Variants in OSBPL10 observed in about 807,000 individuals in gnomAD.
OSBPL10 encodes the protein oxysterol-binding protein-related protein 10.
Under a neutral mutation model 81.7 loss-of-function variants are expected in OSBPL10, and 49 were observed. That is an observed-to-expected ratio of 0.60 (90% CI 0.48 to 0.76). The LOEUF is 0.76. Ranked by LOEUF, OSBPL10 falls within the 30% of genes least tolerant of loss-of-function variation. The pLI is 0.00. For synonymous variants in OSBPL10, 419 were observed against 383.6 expected (o/e 1.09, Z -1.08); for missense variants, 923 against 987.8 (o/e 0.93, Z 0.88).
At chr3:31,668,578 C>G in intron 10 of OSBPL10, 64 bp downstream of exon 10, 1 of 1,422,030 alleles carries the variant, frequency 7.0e-7, no homozygotes, top group East Asian at 2.3e-5. Context: ...TCTTTCTTCT[C>G]TGTCCCTTGA....
chr3:31,670,734 G>A, intron 9 of OSBPL10, 63 bp downstream of exon 9: 1 of 1,487,608 alleles, frequency 6.7e-7, no homozygotes, highest in Non-Finnish European at 9.2e-7. Context: ...GTCTTCTAAT[G>A]GTGAAAGGAA....
At chr3:31,765,910 T>C (rs1322049748) in intron 4 of OSBPL10, among the ~76,000 whole-genome samples, 1 of 152,146 alleles carries the variant, frequency 6.6e-6, no homozygotes, top group Non-Finnish European at 1.5e-5. Context: ...AGGGGATTTG[T>C]TGCATGGATA....
intron 4 of OSBPL10, among the ~76,000 whole-genome samples, chr3:31,756,943 T>C (rs1043789384): frequency 6.6e-6 from 1 of 152,214 alleles, no homozygotes; most frequent in African/African-American, 2.4e-5. Context: ...CTAACAGGCT[T>C]CTGAATGTAT....
At chr3:31,905,546 C>T (rs578156181) in intron 1 of OSBPL10, among the ~76,000 whole-genome samples, 12 of 151,688 alleles carry the variant, frequency 7.9e-5, no homozygotes, top group East Asian at 3.9e-4. Flanking sequence ...GACATGGTTT[C>T]GCCATGTTGG....
At chr3:31,948,542 C>T (rs541269600) in intron 1 of OSBPL10, among the ~76,000 whole-genome samples, 13 of 152,290 alleles carry the variant, frequency 8.5e-5, no homozygotes, top group African/African-American at 2.4e-4. Context: ...GAGCAATAAA[C>T]GGGCAGTCAT....
At chr3:31,794,257 G>A (rs1490025864) in intron 4 of OSBPL10, among the ~76,000 whole-genome samples, 3 of 152,212 alleles carry the variant, frequency 2.0e-5, no homozygotes, top group Non-Finnish European at 4.4e-5. Flanking sequence ...CAATTCTCCT[G>A]CCTCAGCTTC....
chr3:31,861,447 G>A (rs1405779486), intron 3 of OSBPL10, among the ~76,000 whole-genome samples: 1 of 152,106 alleles, frequency 6.6e-6, no homozygotes, highest in East Asian at 1.9e-4. Context: ...ATTAAAAGTC[G>A]ATCCATGTTC....
chr3:31,703,457 G>T (rs1051361363), intron 6 of OSBPL10, among the ~76,000 whole-genome samples: 1 of 152,162 alleles, frequency 6.6e-6, no homozygotes, highest in Non-Finnish European at 1.5e-5. Context: ...GCTCAAAGAT[G>T]TTAAACATGA....
intron 1 of OSBPL10, among the ~76,000 whole-genome samples, chr3:31,883,968 G>A (rs542137878): frequency 7.9e-5 from 12 of 152,244 alleles, no homozygotes; most frequent in Admixed American, 5.2e-4. Flanking sequence ...TCTCCTTACC[G>A]CTCCTACCAA....
intron 7 of OSBPL10, among the ~76,000 whole-genome samples, chr3:31,698,005 AC>A (rs1695780651): frequency 6.6e-6 from 1 of 151,382 alleles, no homozygotes; most frequent in Non-Finnish European, 1.5e-5. Flanking sequence ...CTTGTAATCC[AC>A]CCACCTCGGC....
intron 8 of OSBPL10, among the ~76,000 whole-genome samples, chr3:31,678,781 A>AGTGTGTGTGTGTGT (rs1559411581): frequency 4.9e-4 from 49 of 99,256 alleles, no homozygotes; most frequent in African/African-American, 2.1e-3. Context: ...ACAGATTCAA[A>AGTGTGTGTGTGTGT]CTGTGTGTGT....
chr3:32,023,536 G>A lies in OSBPL10; in HGVS notation n.298+22955C>T, dbSNP rs189158858. Reference sequence around the variant, plus strand: ...ATAGGTGCCCAGAATGTCCCTTGAAGGAACTCAAGACTTTTCTTTATTTCC... The same window carrying A: ...ATAGGTGCCCAGAATGTCCCTTGAAAGAACTCAAGACTTTTCTTTATTTCC... On this transcript the variant is annotated intron_variant and non_coding_transcript_variant, in intron 2 of 3. Coordinates refer to the OSBPL10 transcript ENST00000479173. Among the ~76,000 whole-genome samples the A allele has an allele frequency of 1.6e-3, 245 of 152,272 alleles. 1 individual carries two copies. The highest frequency in any genetic ancestry group is 5.4e-3 in the African/African-American group (225 of 41,568).
rs1559557404 is a variant in OSBPL10 at position 32,066,009 on chromosome 3, GAAAGAAAGAAAGAA to G, written n.185+11373_185+11386del. ...AAAGAAAGAAAGAAAGAAAGAAAGAGAAAGAAAGAAAGAAAGAGAGAGAGAGAGAAAGAGAAAGA... is the reference window on the plus strand; with the variant it reads ...AAAGAAAGAAAGAAAGAAAGAAAGAGAGAGAGAGAGAGAGAAAGAGAAAGA... On this transcript the variant is annotated intron_variant and non_coding_transcript_variant, in intron 1 of 3. Coordinates refer to the OSBPL10 transcript ENST00000479173. Among the ~76,000 whole-genome samples, 43 of 52,570 alleles carry G rather than the reference GAAAGAAAGAAAGAA, an allele frequency of 8.2e-4. 10 individuals carry two copies. The highest frequency in any genetic ancestry group is 1.2e-3 in the African/African-American group (29 of 23,490). The allele number at this position is 52,570 out of a possible 152,430, so 34.5% of individuals were successfully genotyped here. A position where few individuals can be genotyped will look rare whatever the true frequency, so the allele number is the denominator to read the frequency against.
chr3:31,675,945 C>CAAAAAAAAAA (rs773575072), intron 8 of OSBPL10, among the ~76,000 whole-genome samples: 6 of 59,158 alleles, frequency 1.0e-4, no homozygotes, highest in African/African-American at 3.3e-4. Context: ...GACTCCATCT[C>CAAAAAAAAAA]AAAAAAAAAA....
intron 2 of OSBPL10, among the ~76,000 whole-genome samples, chr3:32,020,650 G>A (rs1699354045): frequency 1.3e-5 from 2 of 152,016 alleles, no homozygotes; most frequent in African/African-American, 4.8e-5. Context: ...GAGCAATTAA[G>A]GAGATGATTT....
intron 1 of OSBPL10, among the ~76,000 whole-genome samples, chr3:31,934,375 A>T (rs1697328642): frequency 6.6e-6 from 1 of 151,936 alleles, no homozygotes. Context: ...TTTTAAACCC[A>T]AATTTCATAG....
At chr3:32,001,738 TA>T (rs35743873) in intron 2 of OSBPL10, among the ~76,000 whole-genome samples, 92 of 143,986 alleles carry the variant, frequency 6.4e-4, no homozygotes, top group East Asian at 9.9e-4. Context: ...ATATCAAGTG[TA>T]AAAAAAAAAA....
chr3:31,710,290 G>A (rs1343113794), intron 6 of OSBPL10, among the ~76,000 whole-genome samples: 1 of 152,202 alleles, frequency 6.6e-6, no homozygotes, highest in Non-Finnish European at 1.5e-5. Context: ...CACACAAGAA[G>A]TGCTTGGTAA....
intron 11 of OSBPL10, 49 bp downstream of exon 11, chr3:31,664,030 G>C (rs1438672125): frequency 6.2e-7 from 1 of 1,613,918 alleles, no homozygotes; most frequent in Non-Finnish European, 8.5e-7. Context: ...TACCCTCTCA[G>C]GACAAGTTCT....
Sources: allele counts gnomAD v4.1 joint callset (sites outside exome capture counted in the v4.1 genomes callset), GRCh38; gene constraint gnomAD v4.1.1; transcripts MANE v1.5; gene names NCBI Gene and HGNC (gene_info 2026-07-23, HGNC 2026-07-21).